ARAP2: variants seen among roughly 807,000 people sequenced by gnomAD.
ARAP2 encodes arf-GAP with Rho-GAP domain, ANK repeat and PH domain-containing protein 2.
Under a neutral mutation model 194.5 loss-of-function variants are expected in ARAP2, and 148 were observed. The ratio of observed to expected loss-of-function variants is 0.76; its 90% CI spans 0.67 to 0.87. ARAP2 has a LOEUF of 0.87. Ranked by LOEUF, ARAP2 falls within the 40% of genes least tolerant of loss-of-function variation. The pLI is 0.00. For synonymous variants in ARAP2, 695 were observed against 683.5 expected (o/e 1.02, Z -0.26); for missense variants, 2,128 against 1,989.7 (o/e 1.07, Z -1.32).
intron 11 of ARAP2, among the ~76,000 whole-genome samples, chr4:36,163,864 G>A (rs1418986506): frequency 6.6e-6 from 1 of 152,178 alleles, no homozygotes; most frequent in African/African-American, 2.4e-5. Context: ...AGTAGAAGGT[G>A]ATTCACTGGC....
At chr4:36,076,348 T>C (rs1339261858) in intron 31 of ARAP2, among the ~76,000 whole-genome samples, 4 of 152,088 alleles carry the variant, frequency 2.6e-5, no homozygotes, top group African/African-American at 4.8e-5. Flanking sequence ...CCTGATTGGA[T>C]TGTCTTCATA....
chr4:36,038,689 G>A (rs1378222506), intron 5 of ARAP2, among the ~76,000 whole-genome samples: 1 of 152,182 alleles, frequency 6.6e-6, no homozygotes, highest in Non-Finnish European at 1.5e-5. Flanking sequence ...GTGAAGATGA[G>A]AAGCAACACC....
At chr4:36,153,366 C>T (rs1731462454) in intron 15 of ARAP2, among the ~76,000 whole-genome samples, 1 of 152,150 alleles carries the variant, frequency 6.6e-6, no homozygotes, top group South Asian at 2.1e-4. Flanking sequence ...TAGATATTCA[C>T]TCCTAAATCT....
rs1465489549 is a variant in ARAP2 at position 36,067,321 on chromosome 4, A to T, written c.*586T>A. Reference sequence around the variant, plus strand: ...GACAAGTTCTGGTCATTAGTGAACTAGAATGAATCTTAGCTCACTTCCTTG... The same window carrying T: ...GACAAGTTCTGGTCATTAGTGAACTTGAATGAATCTTAGCTCACTTCCTTG... On this transcript the variant is annotated 3_prime_UTR_variant, in exon 33 of 33. Coordinates refer to ENST00000303965, the MANE Select transcript of ARAP2 (RefSeq NM_015230.4). 1 of 152,672 alleles carries T rather than the reference A, an allele frequency of 6.5e-6. No individual in the cohort carries two copies. Among genetic ancestry groups the T allele is most frequent in the Admixed American group, 6.5e-5 (1 of 15,278 alleles). 9.5% of individuals were successfully genotyped at this position (152,672 alleles called of 1,614,324 possible). A position where few individuals can be genotyped will look rare whatever the true frequency, so the allele number is the denominator to read the frequency against.
chr4:36,073,475 T>G (rs1397558136), intron 32 of ARAP2, among the ~76,000 whole-genome samples: 1 of 152,142 alleles, frequency 6.6e-6, no homozygotes, highest in Non-Finnish European at 1.5e-5. Flanking sequence ...ATAAGTAGTA[T>G]TGTGCATATG....
At chr4:36,025,776 A>G (rs1181400251) in intron 5 of ARAP2, among the ~76,000 whole-genome samples, 1 of 152,090 alleles carries the variant, frequency 6.6e-6, no homozygotes, top group African/African-American at 2.4e-5. Context: ...GTTTTTGTAT[A>G]CTCAGGAAAA....
chr4:36,170,794 C>T (rs1736436966), intron 9 of ARAP2, among the ~76,000 whole-genome samples: 1 of 152,010 alleles, frequency 6.6e-6, no homozygotes, highest in African/African-American at 2.4e-5. Context: ...ACAGTCCTGG[C>T]AAAGCAAAGC....
chr4:36,014,216 G>A (rs984536772), intron 8 of ARAP2, among the ~76,000 whole-genome samples: 3 of 109,222 alleles, frequency 2.7e-5, no homozygotes, highest in African/African-American at 1.2e-4. Context: ...GACAAAGTGA[G>A]ACCCTATCGA....
intron 6 of ARAP2, among the ~76,000 whole-genome samples, chr4:36,205,601 GAA>G (rs34235282): frequency 0.82 from 121,517 of 148,466 alleles, 50,380 homozygotes; most frequent in East Asian, 0.95. Flanking sequence ...ATGGTGTCCT[GAA>G]AAAAAAAAAA....
At chr4:36,126,031 C>T (rs1030487357) in intron 21 of ARAP2, among the ~76,000 whole-genome samples, 5 of 151,964 alleles carry the variant, frequency 3.3e-5, no homozygotes, top group African/African-American at 1.2e-4. Flanking sequence ...AAGTGCACAC[C>T]TATTCAAAAT....
At chr4:36,130,592 C>T (rs1267306547) in intron 20 of ARAP2, among the ~76,000 whole-genome samples, 1 of 151,916 alleles carries the variant, frequency 6.6e-6, no homozygotes, top group East Asian at 1.9e-4. Context: ...TACCCCTACA[C>T]CATGGACACC....
At chr4:36,153,235 T>C (rs748630318) in intron 15 of ARAP2, among the ~76,000 whole-genome samples, 28 of 152,196 alleles carry the variant, frequency 1.8e-4, no homozygotes, top group Non-Finnish European at 3.1e-4. Context: ...GCACGTATTG[T>C]CTTTGAGGGT....
At chr4:36,124,477 G>C (rs1275976630) in intron 22 of ARAP2, among the ~76,000 whole-genome samples, 1 of 151,692 alleles carries the variant, frequency 6.6e-6, no homozygotes, top group Non-Finnish European at 1.5e-5. Context: ...TTCCTCACTG[G>C]ATCAATAGCC....
rs145645191 is a variant in ARAP2 at position 36,068,120 on chromosome 4, G to A, written c.4902C>T (p.Asn1634=). 89 of 1,614,144 alleles carry A rather than the reference G, an allele frequency of 5.5e-5. No homozygotes were observed. The highest frequency in any genetic ancestry group is 6.5e-5 in the Non-Finnish European group (77 of 1,179,980). ...CTTCAGGCTCTGTGTCCTCCAGGCA[G>A]TTGAAACTCCGATGTTTTCGGGGTC... ...RNRPRKHRSF[N]CLEDTEPEAP... is the part of the protein sequence containing the mutation. Residue 1634 remains asparagine, a synonymous_variant, in exon 33 of 33, where the codon AAC becomes AAT. Transcript: ENST00000303965.
At chr4:36,136,286 G>A (rs2109633344) in intron 19 of ARAP2, among the ~76,000 whole-genome samples, 1 of 151,820 alleles carries the variant, frequency 6.6e-6, no homozygotes, top group South Asian at 2.1e-4. Flanking sequence ...AAGTAATGTT[G>A]ATGAACTCTA....
rs944745235 is a variant in ARAP2, at chr4:36,168,971, T to A, written c.1858-1924A>T. 5.3e-5 allele frequency among the ~76,000 whole-genome samples: 8 copies of A among 152,332 alleles called. No individual in the cohort carries two copies. In the East Asian group the frequency reaches 5.8e-4, roughly 11 times the overall value. ...GGTTATACTTGATTATTATTTTTTT[T>A]AAATTCCCCAATTATCCACAGCTAT... On this transcript the variant is annotated intron_variant, in intron 9 of 32. Transcript: ENST00000303965.
intron 28 of ARAP2, among the ~76,000 whole-genome samples, chr4:36,088,310 CA>C (rs1712491779): frequency 6.6e-6 from 1 of 152,058 alleles, no homozygotes; most frequent in South Asian, 2.1e-4. Context: ...CAAAACCAAA[CA>C]CAATTCTATC....
intron 31 of ARAP2, among the ~76,000 whole-genome samples, chr4:36,074,278 A>G (rs1281421481): frequency 3.9e-5 from 6 of 152,066 alleles, no homozygotes. Flanking sequence ...TAACTTTATG[A>G]CCTCTTGAAA....
rs1718754271 is a variant in ARAP2, at chr4:36,107,625, C to T, written c.4225G>A (p.Gly1409Ser). 1.9e-6 allele frequency: 3 copies of T among 1,610,964 alleles called. No individual in the cohort carries two copies. The highest frequency in any genetic ancestry group is 1.7e-5 in the Admixed American group (1 of 59,726). ...VLRWSSLAEP[G>S]SAYLVVKRFL... ...CTCTTCACCACCAGGTAAGCAGAGC[C>T]AGGTTCAGCTAATGAACTCCACCGA... The change falls in exon 27 of 33, where the codon GGC becomes AGC. Residue 1409 changes from glycine to serine, a missense_variant. Gly to Ser is a moderately conservative substitution (Grantham distance 56). Transcript: ENST00000303965.
Sources: allele counts gnomAD v4.1 joint callset (sites outside exome capture counted in the v4.1 genomes callset), GRCh38; gene constraint gnomAD v4.1.1; transcripts MANE v1.5; gene names NCBI Gene and HGNC (gene_info 2026-07-23, HGNC 2026-07-21).